The following ANGPT1 variants were observed in gnomAD, a reference collection of about 807,000 sequenced individuals.
The protein encoded by ANGPT1 is angiopoietin 1, also known as angiopoietin-1.
In ANGPT1, 17 loss-of-function variants were observed where a neutral mutation model predicts 62.2. That is an observed-to-expected ratio of 0.27 (90% confidence interval 0.19 to 0.41). The LOEUF (loss-of-function observed/expected upper bound fraction) is 0.41. Ranked by LOEUF, ANGPT1 falls within the 10% of genes least tolerant of loss-of-function variation. The pLI, the probability that ANGPT1 is intolerant of heterozygous loss-of-function variation, is 1.00. For synonymous variants in ANGPT1, 199 were observed against 198.9 expected (o/e 1.00, Z 0.00); for missense variants, 478 against 594.9 (o/e 0.80, Z 2.04).
chr8:107,437,347 GT>G (rs1811360027), intron 1 of ANGPT1, among the ~76,000 whole-genome samples: 2 of 152,138 alleles, frequency 1.3e-5, no homozygotes, highest in African/African-American at 4.8e-5. Context: ...GGTCTAGCCT[GT>G]TATAGAGAAA....
intron 2 of ANGPT1, among the ~76,000 whole-genome samples, chr8:107,341,803 A>T (rs965018788): frequency 6.6e-6 from 1 of 151,998 alleles, no homozygotes; most frequent in African/African-American, 2.4e-5. Context: ...TCAGAATGCA[A>T]CCCAGAGAGT....
chr8:107,457,694 T>C (rs770875987), intron 1 of ANGPT1, among the ~76,000 whole-genome samples: 3 of 152,048 alleles, frequency 2.0e-5, no homozygotes, highest in Non-Finnish European at 4.4e-5. Context: ...CTCAAATTAT[T>C]AATATTTGGA....
At chr8:107,290,979 A>G (rs1184521654) in intron 6 of ANGPT1, among the ~76,000 whole-genome samples, 2 of 152,234 alleles carry the variant, frequency 1.3e-5, no homozygotes, top group Non-Finnish European at 2.9e-5. Flanking sequence ...AGAATTCACC[A>G]TTTTGGAAAG....
chr8:107,491,412 T>G lies in ANGPT1; in HGVS notation c.297+5850A>C, dbSNP rs75087258. On this transcript the variant is annotated intron_variant, in intron 1 of 8. Transcript: ENST00000517746. ...ACAGACAATAAGTAACACAGCATTATGCAGTAGCAAGTACCATGAAGAAAT... is the reference window on the plus strand; with the variant it reads ...ACAGACAATAAGTAACACAGCATTAGGCAGTAGCAAGTACCATGAAGAAAT... 9.0e-4 allele frequency among the ~76,000 whole-genome samples: 137 copies of G among 152,278 alleles called. No homozygotes were observed. In the East Asian group the frequency reaches 0.023, roughly 25 times the overall value.
chr8:107,298,516 AG>A (rs1004093001), intron 5 of ANGPT1, among the ~76,000 whole-genome samples: 15 of 152,068 alleles, frequency 9.9e-5, no homozygotes, highest in African/African-American at 3.6e-4. Context: ...AAAAGCAAAA[AG>A]TAAATACAGA....
chr8:107,278,558 T>C (rs1457081760), intron 7 of ANGPT1, among the ~76,000 whole-genome samples: 2 of 152,188 alleles, frequency 1.3e-5, no homozygotes, highest in African/African-American at 2.4e-5. Flanking sequence ...CCCTTCATTG[T>C]AAGGTTCTAA....
intron 1 of ANGPT1, among the ~76,000 whole-genome samples, chr8:107,461,470 T>C (rs963043453): frequency 2.6e-5 from 4 of 152,154 alleles, no homozygotes; most frequent in Admixed American, 2.6e-4. Context: ...GGATACTTTT[T>C]ACAACCAAAG....
intron 1 of ANGPT1, among the ~76,000 whole-genome samples, chr8:107,404,171 A>G (rs1201281850): frequency 6.6e-6 from 1 of 152,194 alleles, no homozygotes; most frequent in East Asian, 1.9e-4. Context: ...CACAGTTTCA[A>G]CTAGCCTGAT....
At chr8:107,294,370 G>T (rs992529666) in intron 5 of ANGPT1, 1 of 164,982 alleles carries the variant, frequency 6.1e-6, no homozygotes, top group African/African-American at 2.4e-5. Context: ...CAAAGTTTTG[G>T]AAATGCTACC....
intron 1 of ANGPT1, among the ~76,000 whole-genome samples, chr8:107,418,903 G>A (rs996518388): frequency 1.3e-5 from 2 of 152,038 alleles, no homozygotes; most frequent in African/African-American, 4.8e-5. Context: ...AAAATCAGGG[G>A]AAAAAATCCC....
chr8:107,473,610 T>C (rs558474394), intron 1 of ANGPT1, among the ~76,000 whole-genome samples: 5 of 152,230 alleles, frequency 3.3e-5, no homozygotes, highest in African/African-American at 1.2e-4. Context: ...GCTTTACTTT[T>C]TCAGTAGGAT....
At chr8:107,453,952 G>T (rs1487413712) in intron 1 of ANGPT1, among the ~76,000 whole-genome samples, 1 of 151,962 alleles carries the variant, frequency 6.6e-6, no homozygotes, top group Non-Finnish European at 1.5e-5. Context: ...ACCTGGGAGA[G>T]TTTATTTAAA....
intron 3 of ANGPT1, among the ~76,000 whole-genome samples, chr8:107,324,928 T>G (rs1371387322): frequency 6.6e-6 from 1 of 152,110 alleles, no homozygotes; most frequent in Admixed American, 6.5e-5. Context: ...GTAAACCCAA[T>G]TTAGATAGAG....
At chr8:107,275,764 A>T (rs1239478867) in intron 7 of ANGPT1, among the ~76,000 whole-genome samples, 2 of 152,106 alleles carry the variant, frequency 1.3e-5, no homozygotes, top group African/African-American at 4.8e-5. Context: ...CAGTAGGGGA[A>T]CCTAGAGCAG....
chr8:107,474,446 G>C (rs1812456387), intron 1 of ANGPT1, among the ~76,000 whole-genome samples: 2 of 152,052 alleles, frequency 1.3e-5, no homozygotes, highest in South Asian at 4.1e-4. Flanking sequence ...AAAATAACAA[G>C]AGCTATTTAT....
intron 1 of ANGPT1, among the ~76,000 whole-genome samples, chr8:107,480,323 AG>A (rs1812645529): frequency 6.6e-6 from 1 of 152,220 alleles, no homozygotes; most frequent in African/African-American, 2.4e-5. Context: ...AAGAAGAATA[AG>A]GTATCTATTT....
intron 1 of ANGPT1, among the ~76,000 whole-genome samples, chr8:107,462,734 A>G (rs1433345284): frequency 2.0e-5 from 3 of 152,150 alleles, no homozygotes; most frequent in Non-Finnish European, 2.9e-5. Context: ...CTTTTAAAAG[A>G]GATTTTACTT....
At chr8:107,471,234 T>C (rs1357718813) in intron 1 of ANGPT1, among the ~76,000 whole-genome samples, 2 of 152,134 alleles carry the variant, frequency 1.3e-5, no homozygotes, top group Admixed American at 1.3e-4. Flanking sequence ...AATGAGCTCA[T>C]GTCCTTTGCA....
At chr8:107,375,484 A>G (rs1352233207) in intron 1 of ANGPT1, among the ~76,000 whole-genome samples, 3 of 152,148 alleles carry the variant, frequency 2.0e-5, no homozygotes, top group Non-Finnish European at 4.4e-5. Flanking sequence ...TTGCTGAAGT[A>G]TAAAGCCTAG....
Sources: gnomAD v4.1 joint callset for allele counts (sites outside exome capture counted in the v4.1 genomes callset) on GRCh38, gnomAD v4.1.1 for gene constraint, MANE v1.5 for transcripts, NCBI Gene and HGNC (gene_info 2026-07-23, HGNC 2026-07-21) for gene names.